The following ABAT variants were observed in gnomAD, a reference collection of about 807,000 sequenced individuals.
The protein encoded by ABAT is 4-aminobutyrate aminotransferase, mitochondrial.
ABAT carries 45 observed loss-of-function variants against 64.6 expected under a neutral mutation model. The observed-to-expected ratio is 0.70, with a 90% confidence interval of 0.55 to 0.89. ABAT has a LOEUF of 0.89. Among genes scored for constraint, ABAT ranks in the 40% least tolerant of loss-of-function variants. The pLI is 0.00. For missense variants in ABAT, 633 were observed against 658.4 expected (o/e 0.96, Z 0.42); for synonymous variants, 297 against 250.5 (o/e 1.19, Z -1.75).
At chr16:8,720,830 G>A (rs922283567) in intron 1 of ABAT, 2 of 152,270 alleles carry the variant, frequency 1.3e-5, no homozygotes, top group African/African-American at 2.4e-5. Context: ...ATAGGAAAAT[G>A]AGAGGCAGGG....
Position 8,776,999 on chromosome 16 carries a change from G to A in ABAT, c.1269+509G>A, listed in dbSNP as rs1299925. ...CCGCAACCGCTGCCTCCTGGGTTCA[G>A]GAGATTCTCCGGCCTCAGCCTCCCA... On this transcript the variant is annotated intron_variant, in intron 14 of 15. Transcript: ENST00000268251. The surrounding 1 kb of genome is among the most constrained non-coding windows in gnomAD (Gnocchi z 4.4). 0.86 allele frequency among the ~76,000 whole-genome samples: 130,458 copies of A among 152,240 alleles called. 57,481 individuals are homozygous for A. The highest frequency in any genetic ancestry group is 0.99 in the East Asian group (5,102 of 5,178).
At chr16:8,715,852 G>C (rs1262505067) in intron 1 of ABAT, among the ~76,000 whole-genome samples, 1 of 152,036 alleles carries the variant, frequency 6.6e-6, no homozygotes, top group African/African-American at 2.4e-5. Flanking sequence ...TTATGTAAGA[G>C]AACATTCTTG....
chr16:8,748,496 T>G lies in ABAT; in HGVS notation c.198+359T>G, dbSNP rs559596735. The stretch of plus-strand genomic sequence containing the variant: ...ATATTCCATATGTACTTGAGAAGAA[T>G]CTATATTCTGCTGTTGTTGGGCAGA... On this transcript the variant is annotated intron_variant, in intron 4 of 15. Coordinates refer to ENST00000268251, the MANE Select transcript of ABAT (RefSeq NM_020686.6). Among the ~76,000 whole-genome samples the G allele has an allele frequency of 3.3e-5, 5 of 152,302 alleles. No homozygotes were observed. In the South Asian group the frequency reaches 1.0e-3, roughly 32 times the overall value.
Position 8,781,292 on chromosome 16 carries a change from C to A in ABAT, c.1382-17C>A. The stretch of plus-strand genomic sequence containing the variant: ...TTTGAGAAACCACGCTCCTCACCTA[C>A]CTCCTGCCTCTTTCAGGTGTGGTGT... On this transcript the variant is annotated splice_polypyrimidine_tract_variant and intron_variant, in intron 15 of 15. Transcript: ENST00000268251. The surrounding 1 kb of genome is among the most constrained non-coding windows in gnomAD (Gnocchi z 4.5). 6.2e-7 allele frequency: 1 copy of A among 1,613,978 alleles called. No individual in the cohort carries two copies. Among genetic ancestry groups the A allele is most frequent in the East Asian group, 2.2e-5 (1 of 44,870 alleles).
chr16:8,688,525 C>G (rs149212886), intron 1 of ABAT, among the ~76,000 whole-genome samples: 4 of 150,458 alleles, frequency 2.7e-5, no homozygotes, highest in Non-Finnish European at 4.5e-5. Flanking sequence ...AATCATGGCA[C>G]GTGGTAAAAC....
chr16:8,770,586 A>G (rs1044202560), intron 11 of ABAT, among the ~76,000 whole-genome samples: 3 of 152,048 alleles, frequency 2.0e-5, no homozygotes, highest in African/African-American at 7.2e-5. Context: ...ACTAAGGCAC[A>G]TGACACCACC....
intron 1 of ABAT, among the ~76,000 whole-genome samples, chr16:8,681,243 G>A (rs528257692): frequency 6.6e-5 from 10 of 152,022 alleles, no homozygotes; most frequent in Admixed American, 3.3e-4. Context: ...CTCCCACCTC[G>A]GCCTCCCAAA....
At chr16:8,724,248 AT>A (rs71396292) in intron 1 of ABAT, among the ~76,000 whole-genome samples, 8 of 152,010 alleles carry the variant, frequency 5.3e-5, no homozygotes, top group African/African-American at 1.9e-4. Context: ...AATCTATCAC[AT>A]TTTTTCCCCT....
chr16:8,722,737 C>T, intron 1 of ABAT: 3 of 1,123,274 alleles, frequency 2.7e-6, no homozygotes, highest in Non-Finnish European at 3.6e-6. Flanking sequence ...CCCTTCTAAC[C>T]AGGAATCCTT....
intron 3 of ABAT, among the ~76,000 whole-genome samples, chr16:8,746,618 T>TGATCCACC (rs1279676736): frequency 6.6e-6 from 1 of 151,348 alleles, no homozygotes; most frequent in Non-Finnish European, 1.5e-5. Flanking sequence ...TGACCTCAAG[T>TGATCCACC]GATCCACCCG....
intron 1 of ABAT, among the ~76,000 whole-genome samples, chr16:8,696,376 A>G (rs1413327162): frequency 6.6e-6 from 1 of 152,278 alleles, no homozygotes; most frequent in Admixed American, 6.5e-5. Context: ...TAATCCCAAC[A>G]CTTTGGGAGG....
chr16:8,724,699 A>G (rs1330225308), intron 1 of ABAT, among the ~76,000 whole-genome samples: 2 of 131,920 alleles, frequency 1.5e-5, no homozygotes, highest in African/African-American at 5.4e-5. Context: ...ACTCCACTCC[A>G]GCTTGGGCAA....
rs886555026 is a variant in ABAT, at chr16:8,718,127, C to T, written c.-41-17572C>T. On this transcript the variant is annotated intron_variant, in intron 1 of 15. Coordinates refer to ENST00000268251, the MANE Select transcript of ABAT (RefSeq NM_020686.6). ...CTCAGTCTCATCCTCAGTCTCATAG[C>T]GCTGATGATGCATACTGTGTAATAC... Among the ~76,000 whole-genome samples, 6 of 152,252 alleles carry T rather than the reference C, an allele frequency of 3.9e-5. No individual in the cohort carries two copies. The South Asian group carries it at 1.0e-3, about 26-fold the overall frequency.
chr16:8,773,023 C>G, intron 12 of ABAT, 106 bp downstream of exon 12: 1 of 1,477,080 alleles, frequency 6.8e-7, no homozygotes, highest in Non-Finnish European at 9.4e-7. Context: ...TGTCAATCTC[C>G]AGACTTGCAG....
Position 8,744,371 on chromosome 16 carries a change from AT to A in ABAT, c.71-1621del, listed in dbSNP as rs113882149. Among the ~76,000 whole-genome samples the A allele has an allele frequency of 5.8e-3, 876 of 150,364 alleles. 4 individuals are homozygous for A. Among genetic ancestry groups the A allele is most frequent in the Non-Finnish European group, 0.01 (691 of 67,522 alleles). On this transcript the variant is annotated intron_variant, in intron 2 of 15. Coordinates refer to ENST00000268251, the MANE Select transcript of ABAT (RefSeq NM_020686.6). ...GAGAGCAAGCAGGGAGGAGCCACAC[AT>A]TTTTTTTTCTTTTGAGATGGAGTCT... is the stretch of plus-strand genomic sequence containing the variant.
chr16:8,733,139 C>G (rs935130875), intron 1 of ABAT, among the ~76,000 whole-genome samples: 6 of 150,474 alleles, frequency 4.0e-5, no homozygotes, highest in Non-Finnish European at 5.9e-5. Context: ...CCCCCCCCAC[C>G]TCCCTCCCGG....
rs2060282079 is a variant in ABAT at position 8,776,934 on chromosome 16, T to C, written c.1269+444T>C. 6.6e-6 allele frequency among the ~76,000 whole-genome samples: 1 copy of C among 152,052 alleles called. No homozygotes were observed. The highest frequency in any genetic ancestry group is 1.5e-5 in the Non-Finnish European group (1 of 68,004). The stretch of plus-strand genomic sequence containing the variant: ...TTATTTTTTGAGACCAAGTCTTGCT[T>C]TGTACCCAGGCTGGAGTGCAGTGGC... On this transcript the variant is annotated intron_variant, in intron 14 of 15. Coordinates refer to ENST00000268251, the MANE Select transcript of ABAT (RefSeq NM_020686.6). This position sits in a 1 kb window ranked among gnomAD's most constrained non-coding sequence, Gnocchi z 4.4.
chr16:8,706,293 C>T (rs752235828), intron 1 of ABAT, among the ~76,000 whole-genome samples: 2 of 150,412 alleles, frequency 1.3e-5, no homozygotes, highest in Non-Finnish European at 3.0e-5. Flanking sequence ...ACCAGTAGTC[C>T]CAGCCGAGAG....
intron 1 of ABAT, among the ~76,000 whole-genome samples, chr16:8,718,750 C>T (rs890149409): frequency 9.2e-5 from 14 of 152,142 alleles, no homozygotes; most frequent in South Asian, 6.2e-4. Context: ...GTAGATAAGA[C>T]GGTGTATGTG....
Sources: allele counts gnomAD v4.1 joint callset (sites outside exome capture counted in the v4.1 genomes callset), GRCh38; gene constraint gnomAD v4.1.1; non-coding constraint Gnocchi (gnomAD v3.1); transcripts MANE v1.5; gene names NCBI Gene and HGNC (gene_info 2026-07-23, HGNC 2026-07-21).